NCAM2: variants seen among roughly 807,000 people sequenced by gnomAD.
The protein encoded by NCAM2 is N-CAM-2.
NCAM2 carries 30 observed loss-of-function variants against 98.1 expected under a neutral mutation model. The observed-to-expected ratio is 0.31, with a 90% CI of 0.23 to 0.41. NCAM2 has a LOEUF of 0.41. NCAM2 is among the 10% of genes least tolerant of loss of function. The probability of loss-of-function intolerance (pLI) is 1.00; values close to 1 mark genes in which losing one functional copy is unlikely to be tolerated. For synonymous variants in NCAM2, 368 were observed against 342.4 expected (o/e 1.07, Z -0.83); for missense variants, 867 against 1,005.8 (o/e 0.86, Z 1.87).
intron 1 of NCAM2, among the ~76,000 whole-genome samples, chr21:21,030,448 G>T (rs74650353): frequency 1.7e-3 from 254 of 152,152 alleles, no homozygotes; most frequent in African/African-American, 5.9e-3. Flanking sequence ...CTGTCATCAC[G>T]TCTTCATCTG....
chr21:21,074,866 C>T (rs1181826152), intron 1 of NCAM2, among the ~76,000 whole-genome samples: 1 of 152,090 alleles, frequency 6.6e-6, no homozygotes, highest in Non-Finnish European at 1.5e-5. Context: ...AACTCTTCAT[C>T]ATTCTATAAA....
At chr21:21,236,756 ATG>A (rs35816689) in intron 1 of NCAM2, among the ~76,000 whole-genome samples, 8,279 of 150,052 alleles carry the variant, frequency 0.055, 470 homozygotes, top group African/African-American at 0.14. Flanking sequence ...ATCAGTACAT[ATG>A]TGTGTGTGTG....
intron 1 of NCAM2, among the ~76,000 whole-genome samples, chr21:21,211,442 G>A (rs2069657468): frequency 6.6e-6 from 1 of 152,130 alleles, no homozygotes; most frequent in Non-Finnish European, 1.5e-5. Flanking sequence ...AGAATCCTTA[G>A]CATTTTCAAT....
At chr21:21,535,384 AAAACT>A (rs1397191625) in intron 17 of NCAM2, among the ~76,000 whole-genome samples, 6 of 152,188 alleles carry the variant, frequency 3.9e-5, no homozygotes, top group Non-Finnish European at 8.8e-5. Context: ...GTGCACCAAA[AAAACT>A]TTTTAATTTT....
chr21:21,493,355 T>C (rs2146313496), intron 15 of NCAM2, among the ~76,000 whole-genome samples: 1 of 152,038 alleles, frequency 6.6e-6, no homozygotes, highest in Non-Finnish European at 1.5e-5. Context: ...GTAATAGAGA[T>C]ATCACCATTG....
chr21:21,517,761 G>A lies in NCAM2; in HGVS notation c.2282+8706G>A, dbSNP rs535309323. 4.6e-5 allele frequency among the ~76,000 whole-genome samples: 7 copies of A among 152,238 alleles called. No individual in the cohort carries two copies. The South Asian group carries it at 1.5e-3, about 32-fold the overall frequency. On this transcript the variant is annotated intron_variant, in intron 16 of 17. Transcript: ENST00000400546. Reference sequence around the variant, plus strand: ...TAATCCCAGCTACTCGGGAGGCTGAGACAGGAGAATCGCTTGAACCTGGGG... The same window carrying A: ...TAATCCCAGCTACTCGGGAGGCTGAAACAGGAGAATCGCTTGAACCTGGGG...
rs553087162 is a variant in NCAM2, at chr21:21,389,280, A to C, written c.1195+15267A>C. Among the ~76,000 whole-genome samples the C allele has an allele frequency of 9.2e-5, 14 of 152,232 alleles. No homozygotes were observed. The South Asian group carries it at 2.7e-3, about 29-fold the overall frequency. On this transcript the variant is annotated intron_variant, in intron 9 of 17. Transcript: ENST00000400546. The stretch of plus-strand genomic sequence containing the variant: ...GGAATTCCCTTTAAAAAAGCATCAG[A>C]TGTTATGAGACTTACTCAGTATCAC...
intron 1 of NCAM2, among the ~76,000 whole-genome samples, chr21:21,155,568 A>G (rs996942257): frequency 2.6e-5 from 4 of 151,884 alleles, no homozygotes; most frequent in African/African-American, 7.2e-5. Context: ...TCTTGGTTAA[A>G]TAAATGGCTT....
chr21:21,259,679 C>T (rs1424977920), intron 1 of NCAM2, among the ~76,000 whole-genome samples: 4 of 151,966 alleles, frequency 2.6e-5, no homozygotes, highest in Non-Finnish European at 5.9e-5. Context: ...ACCTCTGCAC[C>T]CTCAGCCCAG....
intron 1 of NCAM2, among the ~76,000 whole-genome samples, chr21:21,152,941 C>A (rs1352072860): frequency 6.6e-6 from 1 of 151,896 alleles, no homozygotes; most frequent in African/African-American, 2.4e-5. Flanking sequence ...CTTCATAGCA[C>A]ATAGAAACCA....
intron 1 of NCAM2, among the ~76,000 whole-genome samples, chr21:21,022,136 A>G (rs2064450722): frequency 6.6e-6 from 1 of 152,084 alleles, no homozygotes; most frequent in African/African-American, 2.4e-5. Flanking sequence ...CTTTAAAGAT[A>G]AGCGTGCCCT....
chr21:21,488,235 G>T (rs1569112923), intron 15 of NCAM2, among the ~76,000 whole-genome samples: 1 of 151,426 alleles, frequency 6.6e-6, no homozygotes, highest in Non-Finnish European at 1.5e-5. Flanking sequence ...TAGTGCACAT[G>T]TTACACACAA....
At chr21:21,087,178 C>A (rs2065921856) in intron 1 of NCAM2, among the ~76,000 whole-genome samples, 1 of 152,038 alleles carries the variant, frequency 6.6e-6, no homozygotes, top group African/African-American at 2.4e-5. Context: ...TAAAAACAGT[C>A]AAAGATAATC....
chr21:21,211,785 C>T (rs1184433860), intron 1 of NCAM2, among the ~76,000 whole-genome samples: 1 of 152,156 alleles, frequency 6.6e-6, no homozygotes, highest in African/African-American at 2.4e-5. Context: ...TGTTCCTTAT[C>T]TCCTATGGTA....
At chr21:21,088,759 G>A (rs910301870) in intron 1 of NCAM2, among the ~76,000 whole-genome samples, 4 of 152,066 alleles carry the variant, frequency 2.6e-5, no homozygotes, top group African/African-American at 9.7e-5. Context: ...TTGGGAGGCC[G>A]AGGCAGGCGG....
intron 17 of NCAM2, among the ~76,000 whole-genome samples, chr21:21,536,260 T>G (rs946954994): frequency 6.6e-6 from 1 of 152,158 alleles, no homozygotes; most frequent in East Asian, 1.9e-4. Flanking sequence ...ATCTGCAGAA[T>G]GTTTTACCCT....
chr21:21,254,949 A>G (rs1601778203), intron 1 of NCAM2, among the ~76,000 whole-genome samples: 1 of 148,278 alleles, frequency 6.7e-6, no homozygotes, highest in African/African-American at 2.5e-5. Context: ...TAGCATATCT[A>G]TGTGTGTGTG....
At chr21:21,346,849 C>T (rs2075203792) in intron 8 of NCAM2, among the ~76,000 whole-genome samples, 1 of 151,738 alleles carries the variant, frequency 6.6e-6, no homozygotes, top group African/African-American at 2.4e-5. Context: ...GCACAAAATA[C>T]AAAAACCTAT....
intron 10 of NCAM2, among the ~76,000 whole-genome samples, chr21:21,415,689 T>C (rs2076980900): frequency 6.6e-6 from 1 of 152,168 alleles, no homozygotes; most frequent in Non-Finnish European, 1.5e-5. Flanking sequence ...CACTTGCTGC[T>C]CCACCTTGTA....
Sources: allele counts gnomAD v4.1 joint callset (sites outside exome capture counted in the v4.1 genomes callset), GRCh38; gene constraint gnomAD v4.1.1; transcripts MANE v1.5; gene names NCBI Gene and HGNC (gene_info 2026-07-23, HGNC 2026-07-21).